Variants in SLAMF8 observed in about 807,000 individuals in gnomAD.
SLAMF8 encodes the protein B lymphocyte activator macrophage expressed.
A neutral mutation model predicts 29.0 loss-of-function variants in SLAMF8; 23 were observed. The observed-to-expected ratio is 0.79, with a 90% CI of 0.57 to 1.13. The LOEUF is 1.13. Ranked by LOEUF, SLAMF8 falls within the 50% of genes most tolerant of loss-of-function variation. The pLI, the probability that SLAMF8 is intolerant of heterozygous loss-of-function variation, is 0.00. For synonymous variants in SLAMF8, 139 were observed against 145.6 expected (o/e 0.96, Z 0.32); for missense variants, 381 against 353.1 (o/e 1.08, Z -0.63).
At chr1:159,827,611 C>T (rs1344364955) in intron 1 of SLAMF8, among the ~76,000 whole-genome samples, 3 of 152,088 alleles carry the variant, frequency 2.0e-5, no homozygotes, top group Non-Finnish European at 4.4e-5. Context: ...CACTGCCGGG[C>T]CATGGATGAG....
chr1:159,835,467 C>G lies in SLAMF8; in HGVS notation c.*207C>G. ...GTTTCACACCTCCCCCTTCCCTCTC[C>G]CATCTTCTCATATCCTGGCTCTTCT... On this transcript the variant is annotated 3_prime_UTR_variant, in exon 5 of 5. Coordinates refer to ENST00000289707, the MANE Select transcript of SLAMF8 (RefSeq NM_020125.3). The G allele has an allele frequency of 1.0e-5, 14 of 1,350,146 alleles. No homozygotes were observed. The highest frequency in any genetic ancestry group is 1.3e-5 in the Non-Finnish European group (14 of 1,054,416). 83.6% of individuals were successfully genotyped at this position (1,350,146 alleles called of 1,614,324 possible).
At chr1:159,829,014 T>C (rs1201289172) in intron 1 of SLAMF8, among the ~76,000 whole-genome samples, 1 of 152,104 alleles carries the variant, frequency 6.6e-6, no homozygotes, top group Non-Finnish European at 1.5e-5. Context: ...CGACTCCTTT[T>C]TCTCCTTCAC....
chr1:159,826,929 C>T lies in SLAMF8; in HGVS notation c.31C>T (p.Leu11Phe), dbSNP rs1488435899. The T allele has an allele frequency of 3.7e-6, 6 of 1,614,122 alleles. No homozygotes were observed. In the South Asian group the frequency reaches 4.4e-5, roughly 12 times the overall value. The change falls in exon 1 of 5, where the codon CTC becomes TTC. Residue 11 changes from leucine (L) to phenylalanine (F), a missense_variant. Physicochemically the swap from Leu to Phe is conservative, Grantham distance 22. Transcript: ENST00000289707. MVMRPLWSLL[L>F]WEALLPITVT... Reference sequence around the variant, plus strand: ...CATGAGGCCCCTGTGGAGTCTGCTTCTCTGGGAAGGTAAGTGGGGCAGGCA... The same window carrying T: ...CATGAGGCCCCTGTGGAGTCTGCTTTTCTGGGAAGGTAAGTGGGGCAGGCA...
Position 159,835,897 on chromosome 1 carries a change from G to C in SLAMF8, c.*637G>C. 1.0e-6 allele frequency: 1 copy of C among 985,452 alleles called. No individual in the cohort carries two copies. Among genetic ancestry groups the C allele is most frequent in the Non-Finnish European group, 1.2e-6 (1 of 829,950 alleles). The allele number at this position is 985,452 out of a possible 1,614,324, so 61.0% of individuals were successfully genotyped here. ...GGGCCCTCAAAGGTAAATTGCAGTT[G>C]TAGACACCGAGGATGGTTGACAACC... is the stretch of plus-strand genomic sequence containing the variant. On this transcript the variant is annotated 3_prime_UTR_variant, in exon 5 of 5. Coordinates refer to ENST00000289707, the MANE Select transcript of SLAMF8 (RefSeq NM_020125.3).
chr1:159,832,836 C>G (rs1571139935), intron 2 of SLAMF8, 40 bp from the exon 3 acceptor site: 2 of 1,590,616 alleles, frequency 1.3e-6, no homozygotes, highest in East Asian at 4.5e-5. Flanking sequence ...CCCTGCCCAG[C>G]ATCCCTGAGA....
chr1:159,833,586 A>C (rs957510599), intron 4 of SLAMF8, among the ~76,000 whole-genome samples: 4 of 152,120 alleles, frequency 2.6e-5, no homozygotes, highest in African/African-American at 9.7e-5. Flanking sequence ...GTTCTCTCAC[A>C]TCCATCTGCA....
At position 159,835,175 on chromosome 1, in the gene SLAMF8, C is replaced by T. The variant is rs1249848318; in HGVS notation, c.782-9C>T. On this transcript the variant is annotated splice_polypyrimidine_tract_variant and intron_variant, in intron 4 of 4. Transcript: ENST00000289707. ...GGAGGGGTAACTTTCTTTCTGATGT[C>T]CTTACCAGGGAAAAAGAAAAAGGAT... 3 of 1,613,224 alleles carry T rather than the reference C, an allele frequency of 1.9e-6. No homozygotes were observed. The highest frequency in any genetic ancestry group is 2.5e-6 in the Non-Finnish European group (3 of 1,179,464).
intron 4 of SLAMF8, 79 bp downstream of exon 4, chr1:159,833,448 T>C: frequency 6.3e-7 from 1 of 1,597,302 alleles, no homozygotes; most frequent in South Asian, 1.1e-5. Flanking sequence ...CCTCCTCCTA[T>C]TTAGGCTTCA....
At chr1:159,828,118 G>A (rs1027473979) in intron 1 of SLAMF8, among the ~76,000 whole-genome samples, 4 of 152,206 alleles carry the variant, frequency 2.6e-5, no homozygotes, top group South Asian at 2.1e-4. Context: ...ACAGGCATGA[G>A]CCACCACACC....
At position 159,829,971 on chromosome 1, in the gene SLAMF8, T is replaced by G; in HGVS notation, c.146T>G (p.Ile49Ser). The G allele has an allele frequency of 6.2e-7, 1 of 1,614,282 alleles. No individual in the cohort carries two copies. The highest frequency in any genetic ancestry group is 1.1e-5 in the South Asian group (1 of 91,090). Reference sequence around the variant, plus strand: ...CCTGGCTTCCAAGTCCGTGAGGCTATCTGGCGATCTCTCTGGCCTTCAGAA... The same window carrying G: ...CCTGGCTTCCAAGTCCGTGAGGCTAGCTGGCGATCTCTCTGGCCTTCAGAA... ...RPPGFQVREA[I>S]WRSLWPSEEL... The change falls in exon 2 of 5, where the codon ATC (isoleucine) becomes AGC (serine). Residue 49 changes from isoleucine (I) to serine (S), a missense_variant. Ile to Ser is a moderately radical substitution (Grantham distance 142). Transcript: ENST00000289707.
rs1477747451 is a variant in SLAMF8, at chr1:159,837,010, T to A, written c.*1750T>A. 1 of 985,242 alleles carries A rather than the reference T, an allele frequency of 1.0e-6. No homozygotes were observed. Among genetic ancestry groups the A allele is most frequent in the African/African-American group, 1.7e-5 (1 of 57,196 alleles). 61.0% of individuals were successfully genotyped at this position (985,242 alleles called of 1,614,324 possible). A position where few individuals can be genotyped will look rare whatever the true frequency, so the allele number is the denominator to read the frequency against. On this transcript the variant is annotated 3_prime_UTR_variant, in exon 5 of 5. Transcript: ENST00000289707. Reference sequence around the variant, plus strand: ...ATGATGTGGAAAGGAAAGCCCAGGATCTGACAATGAGCCCTGGTGGATTTG... The same window carrying A: ...ATGATGTGGAAAGGAAAGCCCAGGAACTGACAATGAGCCCTGGTGGATTTG...
At chr1:159,828,541 C>T (rs533244631) in intron 1 of SLAMF8, among the ~76,000 whole-genome samples, 10 of 152,294 alleles carry the variant, frequency 6.6e-5, no homozygotes, top group African/African-American at 9.6e-5. Flanking sequence ...CAGTCCTCAG[C>T]AGGGTAGGTC....
chr1:159,833,457 C>T, intron 4 of SLAMF8, 88 bp downstream of exon 4: 1 of 1,587,564 alleles, frequency 6.3e-7, no homozygotes, highest in African/African-American at 1.3e-5. Flanking sequence ...ATTTAGGCTT[C>T]AGATGGTCTG....
intron 2 of SLAMF8, 81 bp downstream of exon 2, chr1:159,830,273 G>A (rs559389695): frequency 7.1e-7 from 1 of 1,415,378 alleles, no homozygotes; most frequent in Non-Finnish European, 9.4e-7. Flanking sequence ...AGCAGCCAGG[G>A]AGAGCTGGGT....
Position 159,836,306 on chromosome 1 carries a change from G to T in SLAMF8, c.*1046G>T. ...AAGGGGAGGGGACAAAGACCCCACA[G>T]CCCAACAGCAGGACTGTAGAGGTCA... On this transcript the variant is annotated 3_prime_UTR_variant, in exon 5 of 5. Coordinates refer to ENST00000289707, the MANE Select transcript of SLAMF8 (RefSeq NM_020125.3). 5 of 983,866 alleles carry T rather than the reference G, an allele frequency of 5.1e-6. No homozygotes were observed. The highest frequency in any genetic ancestry group is 6.0e-6 in the Non-Finnish European group (5 of 828,508). 60.9% of individuals were successfully genotyped at this position (983,866 alleles called of 1,614,324 possible).
At position 159,835,258 on chromosome 1, in the gene SLAMF8, T is replaced by A; in HGVS notation, c.856T>A (p.Ter286LysextTer4). The stretch of plus-strand genomic sequence containing the variant: ...GAACCCCCTTGTGCAGGATCTGCCA[T>A]AAAGGACAATATGAACTGATGCCTG... ...TENPLVQDLP[*>K] The change falls in exon 5 of 5, where the codon TAA (stop) becomes AAA (lysine). Residue 286 changes from the stop codon to lysine (K), a stop_lost. Transcript: ENST00000289707. 1 of 1,613,616 alleles carries A rather than the reference T, an allele frequency of 6.2e-7. No individual in the cohort carries two copies. The highest frequency in any genetic ancestry group is 8.5e-7 in the Non-Finnish European group (1 of 1,179,884).
rs142955221 is a variant in SLAMF8, at chr1:159,836,042, C to T, written c.*782C>T. On this transcript the variant is annotated 3_prime_UTR_variant, in exon 5 of 5. Coordinates refer to ENST00000289707, the MANE Select transcript of SLAMF8 (RefSeq NM_020125.3). ...AGTGAGGGTGGAGAGTCTTTCCTCA[C>T]GCTCCAGCACAGTGGCCAGGAAAAG... is the stretch of plus-strand genomic sequence containing the variant. 2,483 of 985,444 alleles carry T rather than the reference C, an allele frequency of 2.5e-3. 5 individuals carry two copies. The highest frequency in any genetic ancestry group is 0.018 in the Middle Eastern group (35 of 1,914). The allele number at this position is 985,444 out of a possible 1,614,324, so 61.0% of individuals were successfully genotyped here. A position where few individuals can be genotyped will look rare whatever the true frequency, so the allele number is the denominator to read the frequency against.
Position 159,833,005 on chromosome 1 carries a change from G to A in SLAMF8, c.497G>A (p.Arg166Gln), listed in dbSNP as rs186733189. The change falls in exon 3 of 5, where the codon CGG becomes CAG. Residue 166 changes from arginine (R) to glutamine (Q), a missense_variant. Transcript: ENST00000289707. ...NISEITYSWRRETTMDFGMEP... is the reference protein window; with the variant it reads ...NISEITYSWRQETTMDFGMEP... ...AGCGAAATAACCTATAGCTGGCGACGGGAGACAACCATGGACTTTGGTATG... is the reference window on the plus strand; with the variant it reads ...AGCGAAATAACCTATAGCTGGCGACAGGAGACAACCATGGACTTTGGTATG... The A allele has an allele frequency of 4.2e-5, 68 of 1,614,194 alleles. No individual in the cohort carries two copies. The highest frequency in any genetic ancestry group is 2.7e-4 in the Admixed American group (16 of 60,026).
At position 159,836,321 on chromosome 1, in the gene SLAMF8, T is replaced by C. The variant is rs1236233540; in HGVS notation, c.*1061T>C. On this transcript the variant is annotated 3_prime_UTR_variant, in exon 5 of 5. Coordinates refer to ENST00000289707, the MANE Select transcript of SLAMF8 (RefSeq NM_020125.3). ...AGACCCCACAGCCCAACAGCAGGAC[T>C]GTAGAGGTCACTCTGACTCCATCAA... The C allele has an allele frequency of 1.5e-5, 15 of 983,954 alleles. No homozygotes were observed. The highest frequency in any genetic ancestry group is 1.6e-5 in the Non-Finnish European group (13 of 828,662). The allele number at this position is 983,954 out of a possible 1,614,324, so 61.0% of individuals were successfully genotyped here.
Sources: gnomAD v4.1 joint callset for allele counts (sites outside exome capture counted in the v4.1 genomes callset) on GRCh38, gnomAD v4.1.1 for gene constraint, MANE v1.5 for transcripts, NCBI Gene and HGNC (gene_info 2026-07-23, HGNC 2026-07-21) for gene names.